Variants in COL4A6 observed in about 807,000 individuals in gnomAD.
COL4A6 encodes the protein collagen alpha-6(IV) chain.
A neutral mutation model predicts 126.7 loss-of-function variants in COL4A6; 59 were observed. The ratio of observed to expected loss-of-function variants is 0.47; its 90% CI spans 0.38 to 0.58. COL4A6 has a LOEUF of 0.58. Among genes scored for constraint, COL4A6 ranks in the 20% least tolerant of loss-of-function variants. COL4A6 has a pLI of 0.00. For synonymous variants in COL4A6, 547 were observed against 496.6 expected (o/e 1.10, Z -1.35); for missense variants, 1,285 against 1,337.3 (o/e 0.96, Z 0.61).
intron 21 of COL4A6, 127 bp from the exon 22 acceptor site, chrX:108,188,154 G>T (rs2034930208): frequency 2.0e-6 from 1 of 494,788 alleles, no homozygotes; most frequent in East Asian, 3.7e-5. Context: ...CACTGATTAT[G>T]TTGTAATCTT....
At position 108,219,751 on chromosome X, in the gene COL4A6, AG is replaced by A. The variant is rs1230127125; in HGVS notation, c.280-10del. ...GGAACTCCCATGGGACCCTAAAAAA[AG>A]GAGTAGGGAGAGGAATGTAAGACAC... On this transcript the variant is annotated splice_polypyrimidine_tract_variant and intron_variant, in intron 4 of 44. Coordinates refer to ENST00000334504, the MANE Select transcript of COL4A6 (RefSeq NM_033641.4). 10 of 1,195,005 alleles carry A rather than the reference AG, an allele frequency of 8.4e-6. No individual in the cohort carries two copies. The highest frequency in any genetic ancestry group is 1.1e-5 in the Non-Finnish European group (10 of 882,135).
chrX:108,327,639 T>A (rs1007828043), intron 2 of COL4A6, among the ~76,000 whole-genome samples: 1 of 109,906 alleles, frequency 9.1e-6, no homozygotes, highest in Non-Finnish European at 1.9e-5. Context: ...TGTCCAAGGA[T>A]GGGGGGTGGC....
intron 2 of COL4A6, among the ~76,000 whole-genome samples, chrX:108,321,629 T>C (rs771721263): frequency 1.8e-5 from 2 of 111,239 alleles, no homozygotes; most frequent in African/African-American, 6.6e-5. Flanking sequence ...TTTCAGACAG[T>C]TGGTATCATT....
intron 2 of COL4A6, among the ~76,000 whole-genome samples, chrX:108,329,859 G>A (rs775413587): frequency 1.3e-4 from 14 of 111,263 alleles, no homozygotes; most frequent in Admixed American, 1.9e-4. Context: ...GGAAAAAGAG[G>A]AGTCGAAGGT....
intron 3 of COL4A6, among the ~76,000 whole-genome samples, chrX:108,288,919 C>T (rs1260717806): frequency 2.7e-5 from 3 of 111,497 alleles, no homozygotes; most frequent in Non-Finnish European, 5.6e-5. Context: ...TGGTAGTAAA[C>T]TAAAAGGTTT....
chrX:108,160,204 G>A (rs1312350873), intron 43 of COL4A6, among the ~76,000 whole-genome samples: 1 of 112,321 alleles, frequency 8.9e-6, no homozygotes, highest in Non-Finnish European at 1.9e-5. Flanking sequence ...TTCCACCAGC[G>A]TGTGTGATAG....
At chrX:108,319,567 A>G (rs186041135) in intron 2 of COL4A6, among the ~76,000 whole-genome samples, 1 of 112,133 alleles carries the variant, frequency 8.9e-6, no homozygotes, top group Admixed American at 9.4e-5. Flanking sequence ...GAGGAAAAAA[A>G]GTGATAAACT....
chrX:108,261,932 C>T lies in COL4A6; in HGVS notation c.145-40558G>A, dbSNP rs765471615. On this transcript the variant is annotated intron_variant, in intron 3 of 44. Transcript: ENST00000334504. ...TTAACTATAAACATGTCCCAGGATA[C>T]TCTGCAGTGAGTGTAAATGTATAGG... 4.5e-5 allele frequency among the ~76,000 whole-genome samples: 5 copies of T among 112,152 alleles called. No individual in the cohort carries two copies. In the South Asian group the frequency reaches 1.5e-3, roughly 33 times the overall value.
chrX:108,315,398 C>G (rs1315360032), intron 2 of COL4A6, among the ~76,000 whole-genome samples: 1 of 111,562 alleles, frequency 9.0e-6, no homozygotes, highest in Non-Finnish European at 1.9e-5. Flanking sequence ...TGCCACCACA[C>G]CCAGCTAATT....
chrX:108,230,299 T>C (rs971957515), intron 3 of COL4A6, among the ~76,000 whole-genome samples: 31 of 111,747 alleles, frequency 2.8e-4, no homozygotes, highest in African/African-American at 9.8e-4. Context: ...ATGAAATGAA[T>C]GAAAATAGAG....
intron 3 of COL4A6, among the ~76,000 whole-genome samples, chrX:108,228,059 C>G (rs1042176045): frequency 1.8e-5 from 2 of 112,086 alleles, no homozygotes; most frequent in Non-Finnish European, 3.8e-5. Context: ...GGGACTTACC[C>G]AAGTTCATAC....
chrX:108,336,429 A>G (rs1416836288), intron 2 of COL4A6, among the ~76,000 whole-genome samples: 1 of 111,742 alleles, frequency 8.9e-6, no homozygotes, highest in African/African-American at 3.2e-5. Flanking sequence ...AAATATTCAG[A>G]AAGACTAAAT....
intron 3 of COL4A6, among the ~76,000 whole-genome samples, chrX:108,309,866 G>C (rs1382333426): frequency 1.9e-5 from 2 of 104,287 alleles, no homozygotes; most frequent in Admixed American, 2.1e-4. Flanking sequence ...ATCATCCCTA[G>C]TCCAAAAATC....
chrX:108,372,678 T>C (rs2207983), intron 2 of COL4A6, among the ~76,000 whole-genome samples: 7,243 of 111,328 alleles, frequency 0.065, 549 homozygotes, highest in African/African-American at 0.21. Context: ...AAGGAGGAGC[T>C]AAAGAGTCCC....
intron 2 of COL4A6, among the ~76,000 whole-genome samples, chrX:108,336,618 G>T (rs1283312745): frequency 1.8e-5 from 2 of 110,690 alleles, no homozygotes; most frequent in Non-Finnish European, 3.8e-5. Flanking sequence ...CTGTTTAAAT[G>T]GTTAAAATGG....
chrX:108,336,079 T>C (rs962106967), intron 2 of COL4A6, among the ~76,000 whole-genome samples: 2 of 111,642 alleles, frequency 1.8e-5, no homozygotes, highest in African/African-American at 6.5e-5. Context: ...TAAAAGTTCC[T>C]CAGTAAATTA....
intron 37 of COL4A6, among the ~76,000 whole-genome samples, chrX:108,168,340 A>G (rs1355837473): frequency 8.9e-6 from 1 of 112,217 alleles, no homozygotes; most frequent in Non-Finnish European, 1.9e-5. Flanking sequence ...CTTTCAGAAA[A>G]GAACAGTTTG....
At chrX:108,393,171 T>C (rs1057325935) in intron 2 of COL4A6, among the ~76,000 whole-genome samples, 2 of 111,823 alleles carry the variant, frequency 1.8e-5, no homozygotes, top group African/African-American at 6.5e-5. Context: ...ACACAATAAT[T>C]TGTACATGAA....
chrX:108,328,819 G>A (rs2039225113), intron 2 of COL4A6, among the ~76,000 whole-genome samples: 1 of 112,225 alleles, frequency 8.9e-6, no homozygotes, highest in Non-Finnish European at 1.9e-5. Context: ...CAACCTAAGT[G>A]TCCATCATTG....
Sources: allele counts gnomAD v4.1 joint callset (sites outside exome capture counted in the v4.1 genomes callset), GRCh38; gene constraint gnomAD v4.1.1; transcripts MANE v1.5; gene names NCBI Gene and HGNC (gene_info 2026-07-23, HGNC 2026-07-21).